The following METAP1D variants were observed in gnomAD, a reference collection of about 807,000 sequenced individuals.
METAP1D encodes methionyl aminopeptidase type 1D, mitochondrial, also known as methionine aminopeptidase 1D, mitochondrial.
In METAP1D, 31 loss-of-function variants were observed where a neutral mutation model predicts 40.5. The ratio of observed to expected loss-of-function variants is 0.77; its 90% confidence interval spans 0.58 to 1.03. The LOEUF is 1.03. Ranked by LOEUF, METAP1D falls within the 50% of genes least tolerant of loss-of-function variation. The pLI is 0.00. For synonymous variants in METAP1D, 151 were observed against 146.4 expected (o/e 1.03, Z -0.22); for missense variants, 411 against 420.7 (o/e 0.98, Z 0.20).
At chr2:172,080,043 A>G in intron 8 of METAP1D, 85 bp from the exon 9 acceptor site, 3 of 1,259,032 alleles carry the variant, frequency 2.4e-6, no homozygotes, top group Non-Finnish European at 3.4e-6. Flanking sequence ...GGGAGGAGAA[A>G]CTTCTCTTTT....
At chr2:172,038,262 G>A (rs1689439681) in intron 1 of METAP1D, among the ~76,000 whole-genome samples, 2 of 152,080 alleles carry the variant, frequency 1.3e-5, no homozygotes, top group Non-Finnish European at 2.9e-5. Flanking sequence ...CATTGCAATT[G>A]TGTAGCATTT....
rs759688145 is a variant in METAP1D at position 172,041,227 on chromosome 2, G to A, written c.41-20271G>A. Among the ~76,000 whole-genome samples the A allele has an allele frequency of 7.6e-4, 116 of 152,036 alleles. 1 individual carries two copies. The highest frequency in any genetic ancestry group is 2.4e-3 in the African/African-American group (98 of 41,422). On this transcript the variant is annotated intron_variant, in intron 1 of 9. Coordinates refer to ENST00000315796, the MANE Select transcript of METAP1D (RefSeq NM_199227.3). ...TGTAATCGCAGCACTTGGGGAGGACGAGGTGGGTGGACCATGAGGTCAGGA... is the reference window on the plus strand; with the variant it reads ...TGTAATCGCAGCACTTGGGGAGGACAAGGTGGGTGGACCATGAGGTCAGGA...
chr2:172,029,638 T>C lies in METAP1D; in HGVS notation c.40+29629T>C, dbSNP rs187792570. Among the ~76,000 whole-genome samples, 747 of 152,280 alleles carry C rather than the reference T, an allele frequency of 4.9e-3. 30 individuals carry two copies. The highest frequency in any genetic ancestry group is 0.044 in the Admixed American group (678 of 15,300). On this transcript the variant is annotated intron_variant, in intron 1 of 9. Transcript: ENST00000315796. The stretch of plus-strand genomic sequence containing the variant: ...CATGAGCATCTGTGGTGAGCAAATA[T>C]TTTCCAGAAAAGCAGGTGAATGAAA...
At chr2:172,019,360 A>G (rs975483801) in intron 1 of METAP1D, among the ~76,000 whole-genome samples, 1 of 152,160 alleles carries the variant, frequency 6.6e-6, no homozygotes, top group Non-Finnish European at 1.5e-5. Context: ...CTAGAAAACT[A>G]TTAATAATAT....
intron 8 of METAP1D, 42 bp downstream of exon 8, chr2:172,079,304 T>G: frequency 6.2e-7 from 1 of 1,604,928 alleles, no homozygotes; most frequent in Non-Finnish European, 8.5e-7. Context: ...TAGCTCCTGG[T>G]GGAAGCTTTT....
rs1689611379 is a variant in METAP1D, at chr2:172,042,715, A to ACACATATACGTGTGTGTG, written c.41-18783_41-18782insCACATATACGTGTGTGTG. Among the ~76,000 whole-genome samples the ACACATATACGTGTGTGTG allele has an allele frequency of 2.2e-4, 4 of 17,788 alleles. 2 individuals are homozygous for ACACATATACGTGTGTGTG. The highest frequency in any genetic ancestry group is 4.5e-4 in the Non-Finnish European group (4 of 8,804). The allele number at this position is 17,788 out of a possible 152,430, so 11.7% of individuals were successfully genotyped here. On this transcript the variant is annotated intron_variant, in intron 1 of 9. Coordinates refer to ENST00000315796, the MANE Select transcript of METAP1D (RefSeq NM_199227.3). ...TGTACACATATACGTGTGTGTGTGTATATGTGTACACATATACGTGTGTGT... is the reference window on the plus strand; with the variant it reads ...TGTACACATATACGTGTGTGTGTGTACACATATACGTGTGTGTGTATGTGTACACATATACGTGTGTGT...
intron 1 of METAP1D, among the ~76,000 whole-genome samples, chr2:172,024,413 AT>A (rs1689076722): frequency 6.6e-6 from 1 of 152,134 alleles, no homozygotes; most frequent in Admixed American, 6.5e-5. Flanking sequence ...CTGAAAGACC[AT>A]TACCAAGCAT....
At chr2:172,055,419 G>A (rs1387917093) in intron 1 of METAP1D, among the ~76,000 whole-genome samples, 1 of 152,160 alleles carries the variant, frequency 6.6e-6, no homozygotes, top group East Asian at 1.9e-4. Flanking sequence ...TCCTTTCTGT[G>A]ACCCTGAATA....
chr2:172,042,509 A>G (rs746704915), intron 1 of METAP1D, among the ~76,000 whole-genome samples: 1 of 47,464 alleles, frequency 2.1e-5, no homozygotes, highest in Non-Finnish European at 4.0e-5. Flanking sequence ...ACATATATAC[A>G]TATGTATGTG....
chr2:172,064,739 C>T (rs541812844), intron 3 of METAP1D, among the ~76,000 whole-genome samples: 1 of 151,916 alleles, frequency 6.6e-6, no homozygotes, highest in South Asian at 2.1e-4. Flanking sequence ...AAAAGGTGGG[C>T]AGAATTTAGG....
chr2:172,017,971 A>G (rs1229053130), intron 1 of METAP1D, among the ~76,000 whole-genome samples: 1 of 151,916 alleles, frequency 6.6e-6, no homozygotes, highest in African/African-American at 2.4e-5. Context: ...TACTAAAAAT[A>G]CAAAAATTAG....
At chr2:172,072,371 T>C (rs1472978553) in intron 6 of METAP1D, 3 of 167,398 alleles carry the variant, frequency 1.8e-5, no homozygotes, top group African/African-American at 7.2e-5. Flanking sequence ...CAGAGAACAC[T>C]AGATTCTTAT....
At chr2:172,018,597 C>G (rs1688933161) in intron 1 of METAP1D, among the ~76,000 whole-genome samples, 1 of 152,128 alleles carries the variant, frequency 6.6e-6, no homozygotes, top group Non-Finnish European at 1.5e-5. Context: ...GTAAAACACT[C>G]TCAAGAGAGA....
chr2:172,077,784 G>A lies in METAP1D; in HGVS notation c.705-13G>A. 1 of 1,424,294 alleles carries A rather than the reference G, an allele frequency of 7.0e-7. No individual in the cohort carries two copies. The allele number at this position is 1,424,294 out of a possible 1,614,324, so 88.2% of individuals were successfully genotyped here. The stretch of plus-strand genomic sequence containing the variant: ...ATCTAATTTAATTAAATATTTTTTG[G>A]TCACTTTTAAAGCCACATAACTCAT... On this transcript the variant is annotated splice_polypyrimidine_tract_variant and intron_variant, in intron 6 of 9. Coordinates refer to ENST00000315796, the MANE Select transcript of METAP1D (RefSeq NM_199227.3).
rs368516082 is a variant in METAP1D, at chr2:172,050,394, G to GT, written c.41-11097dup. ...AGTAGTATTTATGAATAGTCTGGAG[G>GT]TTTTTTTAAGAATTAAAGAAGGATT... On this transcript the variant is annotated intron_variant, in intron 1 of 9. Coordinates refer to ENST00000315796, the MANE Select transcript of METAP1D (RefSeq NM_199227.3). Among the ~76,000 whole-genome samples, 79 of 151,874 alleles carry GT rather than the reference G, an allele frequency of 5.2e-4. 2 individuals are homozygous for GT. Among genetic ancestry groups the GT allele is most frequent in the African/African-American group, 1.8e-3 (76 of 41,422 alleles).
At position 172,071,056 on chromosome 2, in the gene METAP1D, T is replaced by C. The variant is rs774102159; in HGVS notation, c.690T>C (p.Ile230=). The C allele has an allele frequency of 4.3e-6, 7 of 1,610,430 alleles. No homozygotes were observed. Among genetic ancestry groups the C allele is most frequent in the Non-Finnish European group, 5.9e-6 (7 of 1,178,076 alleles). Residue 230 remains isoleucine, a synonymous_variant, in exon 6 of 10, where the codon ATT becomes ATC. Coordinates refer to ENST00000315796, the MANE Select transcript of METAP1D (RefSeq NM_199227.3). ...ACRAGAPFSV[I]GNTISHITHQ... ...GAGCAGGGGCTCCCTTCTCTGTAATTGGAAACACAATCAGGTAAGCCTTAC... is the reference window on the plus strand; with the variant it reads ...GAGCAGGGGCTCCCTTCTCTGTAATCGGAAACACAATCAGGTAAGCCTTAC...
At chr2:172,021,142 C>T (rs1688996740) in intron 1 of METAP1D, among the ~76,000 whole-genome samples, 2 of 151,992 alleles carry the variant, frequency 1.3e-5, no homozygotes, top group Non-Finnish European at 1.5e-5. Context: ...CTCCTCACTT[C>T]TTCGTTTTAA....
intron 1 of METAP1D, among the ~76,000 whole-genome samples, chr2:172,039,988 GTTTTA>G (rs1448190347): frequency 7.4e-6 from 1 of 134,450 alleles, no homozygotes; most frequent in East Asian, 2.3e-4. Flanking sequence ...ACTTTTTTTT[GTTTTA>G]TTTTGTTTTG....
At chr2:172,061,943 C>T (rs788161) in intron 2 of METAP1D, 42,408 of 199,220 alleles carry the variant, frequency 0.21, 4,644 homozygotes, top group South Asian at 0.24. Flanking sequence ...TAAAACTATA[C>T]GTATGTAGTT....
Sources: gnomAD v4.1 joint callset for allele counts (sites outside exome capture counted in the v4.1 genomes callset) on GRCh38, gnomAD v4.1.1 for gene constraint, MANE v1.5 for transcripts, NCBI Gene and HGNC (gene_info 2026-07-23, HGNC 2026-07-21) for gene names.